Variants in GPT2 observed in about 807,000 individuals in gnomAD.
GPT2 encodes the protein glutamic--pyruvic transaminase 2, also known as alanine aminotransferase 2.
In GPT2, 30 loss-of-function variants were observed where a neutral mutation model predicts 56.9. The ratio of observed to expected loss-of-function variants is 0.53; its 90% CI spans 0.39 to 0.72. The LOEUF is 0.72. GPT2 is among the 30% of genes least tolerant of loss of function. The pLI is 0.00. For synonymous variants in GPT2, 271 were observed against 283.1 expected (o/e 0.96, Z 0.43); for missense variants, 542 against 703.4 (o/e 0.77, Z 2.60).
chr16:46,887,617 C>A lies in GPT2; in HGVS notation c.243+2659C>A, dbSNP rs542928062. On this transcript the variant is annotated intron_variant, in intron 2 of 11. Transcript: ENST00000340124. ...CTGGCTGGGCCAGGGTTTCCCCTGC[C>A]CTCAGTTTTATACCTCCTTGTCCAT... Among the ~76,000 whole-genome samples the A allele has an allele frequency of 1.9e-4, 29 of 152,110 alleles. No homozygotes were observed. The East Asian group carries it at 5.2e-3, about 27-fold the overall frequency.
In GPT2 at chr16:46,924,559, C is replaced by T; in HGVS notation, c.1368+15C>T. 1 of 1,612,904 alleles carries T rather than the reference C, an allele frequency of 6.2e-7. No individual in the cohort carries two copies. The highest frequency in any genetic ancestry group is 8.5e-7 in the Non-Finnish European group (1 of 1,179,106). The stretch of plus-strand genomic sequence containing the variant: ...AGGCTGCTCAGGTCTGGGGCATGGG[C>T]TGGGCTGGCTCTCTCTTACCAGGTT... On this transcript the variant is annotated intron_variant, in intron 10 of 11. Coordinates refer to ENST00000340124, the MANE Select transcript of GPT2 (RefSeq NM_133443.4).
At position 46,929,002 on chromosome 16, in the gene GPT2, G is replaced by A. The variant is rs749880902; in HGVS notation, c.*5G>A. ...TTCCTGGAGAAGTACGCGTGAGGAC[G>A]CCTGAGCCCCAGCGGGAGACCTGTC... On this transcript the variant is annotated 3_prime_UTR_variant, in exon 12 of 12. Transcript: ENST00000340124. 9 of 1,611,246 alleles carry A rather than the reference G, an allele frequency of 5.6e-6. No individual in the cohort carries two copies. The highest frequency in any genetic ancestry group is 1.6e-4 in the Middle Eastern group (1 of 6,074).
At chr16:46,920,731 G>A (rs910842480) in intron 8 of GPT2, among the ~76,000 whole-genome samples, 1 of 152,218 alleles carries the variant, frequency 6.6e-6, no homozygotes, top group Non-Finnish European at 1.5e-5. Flanking sequence ...CAGGCTAACA[G>A]GCTGGTCTTT....
intron 8 of GPT2, among the ~76,000 whole-genome samples, chr16:46,921,054 T>C (rs966341795): frequency 3.9e-5 from 6 of 152,338 alleles, no homozygotes; most frequent in Admixed American, 1.3e-4. Context: ...TACCAGACAC[T>C]TTTCTGAGAT....
At position 46,927,029 on chromosome 16, in the gene GPT2, C is replaced by A. The variant is rs774373839; in HGVS notation, c.1473C>A (p.Tyr491Ter). The stretch of plus-strand genomic sequence containing the variant: ...GCTTTGGGCAGAGGGAAGGCACTTA[C>A]CACTTCAGGTATGACTTCCTCTCCG... ...GSGFGQREGTYHFRMTILPPV... is the reference protein window; with the variant it reads ...GSGFGQREGT The change falls in exon 11 of 12, where the codon TAC becomes TAA. Residue 491 changes from tyrosine to a stop codon, truncating the protein, a stop_gained. Transcript: ENST00000340124. LOFTEE classifies it high-confidence loss of function. 5.6e-6 allele frequency: 9 copies of A among 1,594,460 alleles called. No individual in the cohort carries two copies.
chr16:46,889,860 C>T (rs1190046560), intron 2 of GPT2, among the ~76,000 whole-genome samples: 1 of 152,256 alleles, frequency 6.6e-6, no homozygotes, highest in Non-Finnish European at 1.5e-5. Context: ...GGTCGCTTGT[C>T]TTTCCCACTT....
At chr16:46,906,131 TG>T (rs1960920529) in intron 4 of GPT2, among the ~76,000 whole-genome samples, 1 of 152,068 alleles carries the variant, frequency 6.6e-6, no homozygotes, top group South Asian at 2.1e-4. Flanking sequence ...TGGAGTGCAG[TG>T]GTGTCATCAT....
chr16:46,895,629 A>T (rs1410295370), intron 2 of GPT2, among the ~76,000 whole-genome samples: 1 of 152,098 alleles, frequency 6.6e-6, no homozygotes, highest in East Asian at 1.9e-4. Flanking sequence ...CTCAAGTGTG[A>T]TACTCCCACT....
chr16:46,924,824 T>C (rs777200948), intron 10 of GPT2, among the ~76,000 whole-genome samples: 1 of 152,330 alleles, frequency 6.6e-6, no homozygotes, highest in South Asian at 2.1e-4. Context: ...CCAGGTGAGA[T>C]GCCTGCGGGG....
chr16:46,919,397 G>A (rs1309936412), intron 8 of GPT2, among the ~76,000 whole-genome samples: 1 of 152,216 alleles, frequency 6.6e-6, no homozygotes, highest in African/African-American at 2.4e-5. Context: ...CTGAAGTGGT[G>A]CAGCCTCACT....
intron 10 of GPT2, 114 bp downstream of exon 10, chr16:46,924,658 G>A (rs949201627): frequency 3.7e-6 from 4 of 1,067,586 alleles, no homozygotes; most frequent in East Asian, 4.7e-5. Context: ...GCTCGGAACT[G>A]TATGCACCTC....
chr16:46,905,953 G>A (rs555591259), intron 4 of GPT2, among the ~76,000 whole-genome samples: 2 of 152,224 alleles, frequency 1.3e-5, no homozygotes, highest in Non-Finnish European at 2.9e-5. Context: ...ATGGCAGCGG[G>A]AGGGTATGTT....
At chr16:46,886,205 G>A (rs1960480526) in intron 2 of GPT2, among the ~76,000 whole-genome samples, 1 of 152,200 alleles carries the variant, frequency 6.6e-6, no homozygotes, top group South Asian at 2.1e-4. Flanking sequence ...CTGGCCCAGA[G>A]GTGGGCCGGG....
chr16:46,921,549 G>T (rs1043599429), intron 8 of GPT2, among the ~76,000 whole-genome samples: 1 of 152,164 alleles, frequency 6.6e-6, no homozygotes, highest in Non-Finnish European at 1.5e-5. Flanking sequence ...ATGGAGGAAG[G>T]TGACCAGGTT....
intron 6 of GPT2, among the ~76,000 whole-genome samples, chr16:46,914,972 C>T (rs1054609076): frequency 8.5e-5 from 13 of 152,110 alleles, no homozygotes; most frequent in African/African-American, 2.9e-4. Flanking sequence ...GGCTGGAGTG[C>T]AGTGGCACAG....
intron 10 of GPT2, among the ~76,000 whole-genome samples, chr16:46,926,129 TCAAA>T: frequency 5.6e-5 from 1 of 17,956 alleles, no homozygotes; most frequent in African/African-American, 2.5e-4. Context: ...AGACTCTGTC[TCAAA>T]AAAAAAAAAA....
In GPT2 at chr16:46,918,718, T is replaced by A; in HGVS notation, c.998T>A (p.Leu333His). The A allele has an allele frequency of 6.2e-7, 1 of 1,614,172 alleles. No homozygotes were observed. The highest frequency in any genetic ancestry group is 8.5e-7 in the Non-Finnish European group (1 of 1,180,026). ...CCCGAGTACTCCAGCAACGTGGAGC[T>A]CGCCTCCTTCCACTCCACCTCCAAG... Reference protein sequence around the residue: ...MGPEYSSNVELASFHSTSKGY... With the variant: ...MGPEYSSNVEHASFHSTSKGY... The change falls in exon 8 of 12, where the codon CTC becomes CAC. Residue 333 changes from leucine (L) to histidine (H), a missense_variant. Transcript: ENST00000340124.
chr16:46,925,079 T>C lies in GPT2; in HGVS notation c.1368+535T>C, dbSNP rs151078407. On this transcript the variant is annotated intron_variant, in intron 10 of 11. Coordinates refer to ENST00000340124, the MANE Select transcript of GPT2 (RefSeq NM_133443.4). ...GCCTGGCTTGTTTGTTTTGTTTTAA[T>C]TACATTTTTATAGAGAGAGATGGGG... 1.3e-3 allele frequency among the ~76,000 whole-genome samples: 194 copies of C among 152,120 alleles called. 1 individual carries two copies. Among genetic ancestry groups the C allele is most frequent in the African/African-American group, 4.5e-3 (187 of 41,526 alleles).
rs565827152 is a variant in GPT2, at chr16:46,884,605, G to A, written c.-22-89G>A. 5.5e-6 allele frequency: 7 copies of A among 1,267,056 alleles called. No homozygotes were observed. In the African/African-American group the frequency reaches 9.2e-5, roughly 17 times the overall value. 78.5% of individuals were successfully genotyped at this position (1,267,056 alleles called of 1,614,324 possible). On this transcript the variant is annotated intron_variant, in intron 1 of 11. Coordinates refer to ENST00000340124, the MANE Select transcript of GPT2 (RefSeq NM_133443.4). The stretch of plus-strand genomic sequence containing the variant: ...CGAAGCCAGGCTGGCACCGCTCGCT[G>A]AAAGAGCCCTTGGCTGGGCTTGTGT...
Sources: allele counts gnomAD v4.1 joint callset (sites outside exome capture counted in the v4.1 genomes callset), GRCh38; gene constraint gnomAD v4.1.1; transcripts MANE v1.5; gene names NCBI Gene and HGNC (gene_info 2026-07-23, HGNC 2026-07-21).